Variants in CNBD1 observed in about 807,000 individuals in gnomAD.
CNBD1 encodes cyclic nucleotide binding domain containing 1, also known as cyclic nucleotide-binding domain-containing protein 1.
CNBD1 carries 71 observed loss-of-function variants against 54.4 expected under a neutral mutation model. The observed-to-expected ratio is 1.30, with a 90% CI of 1.08 to 1.59. CNBD1 has a LOEUF of 1.59. CNBD1 is among the 40% of genes most tolerant of loss of function. The pLI is 0.00. For missense variants in CNBD1, 659 were observed against 518.0 expected, an observed-to-expected ratio of 1.27 and a Z score of -2.64; for synonymous variants, 182 against 170.7, an observed-to-expected ratio of 1.07 and a Z score of -0.51.
At chr8:86,972,348 C>A (rs993157492) in intron 4 of CNBD1, among the ~76,000 whole-genome samples, 1 of 151,972 alleles carries the variant, frequency 6.6e-6, no homozygotes, top group Non-Finnish European at 1.5e-5. Flanking sequence ...AGTGATTTAC[C>A]ATATTGTGTG....
chr8:87,329,135 G>C (rs527834170), intron 8 of CNBD1, among the ~76,000 whole-genome samples: 1 of 151,992 alleles, frequency 6.6e-6, no homozygotes, highest in Admixed American at 6.6e-5. Flanking sequence ...TCGCTCTTTT[G>C]CATGTGGATG....
chr8:87,158,376 G>C (rs1812788464), intron 4 of CNBD1, among the ~76,000 whole-genome samples: 1 of 152,130 alleles, frequency 6.6e-6, no homozygotes, highest in Non-Finnish European at 1.5e-5. Context: ...AAATGTTTTT[G>C]ATGAAATTGA....
intron 2 of CNBD1, among the ~76,000 whole-genome samples, chr8:87,393,924 A>G (rs1586076044): frequency 6.6e-6 from 1 of 151,896 alleles, no homozygotes; most frequent in Non-Finnish European, 1.5e-5. Flanking sequence ...TAGTGAATAA[A>G]AAAACACTAT....
intron 4 of CNBD1, among the ~76,000 whole-genome samples, chr8:86,996,341 G>C (rs535488869): frequency 6.6e-5 from 10 of 152,268 alleles, no homozygotes; most frequent in African/African-American, 2.4e-4. Context: ...AAAAGGGCTT[G>C]TTTTAATGCT....
intron 4 of CNBD1, among the ~76,000 whole-genome samples, chr8:87,138,469 T>C (rs143978812): frequency 2.2e-4 from 34 of 152,320 alleles, no homozygotes; most frequent in African/African-American, 7.2e-4. Flanking sequence ...AACTTCTCTG[T>C]TTGCAAGCAT....
intron 4 of CNBD1, among the ~76,000 whole-genome samples, chr8:87,062,882 TA>T (rs930614235): frequency 2.0e-5 from 3 of 151,668 alleles, no homozygotes; most frequent in South Asian, 2.1e-4. Flanking sequence ...TAATGCATAT[TA>T]AAAAAAAAGT....
At chr8:87,206,348 G>A (rs1813976011) in intron 5 of CNBD1, among the ~76,000 whole-genome samples, 1 of 152,110 alleles carries the variant, frequency 6.6e-6, no homozygotes, top group African/African-American at 2.4e-5. Context: ...ATATATACTT[G>A]TGTTTCTCTG....
intron 2 of CNBD1, among the ~76,000 whole-genome samples, chr8:87,414,954 C>T (rs895901868): frequency 6.6e-6 from 1 of 152,000 alleles, no homozygotes; most frequent in African/African-American, 2.4e-5. Context: ...TTCCCCTCAG[C>T]CCTGAGAGAA....
At chr8:87,427,943 C>G (rs1178137794) in intron 2 of CNBD1, among the ~76,000 whole-genome samples, 1 of 152,068 alleles carries the variant, frequency 6.6e-6, no homozygotes, top group Non-Finnish European at 1.5e-5. Context: ...CAAAGCCCCC[C>G]CAGCATACTT....
intron 10 of CNBD1, among the ~76,000 whole-genome samples, chr8:87,355,131 T>A (rs1285171322): frequency 6.6e-6 from 1 of 150,922 alleles, no homozygotes; most frequent in Non-Finnish European, 1.5e-5. Flanking sequence ...CTCAAGTGAG[T>A]GTTTGTATGT....
chr8:87,400,929 C>T (rs1415730522), intron 2 of CNBD1, among the ~76,000 whole-genome samples: 1 of 151,970 alleles, frequency 6.6e-6, no homozygotes, highest in African/African-American at 2.4e-5. Context: ...GTGGATTAGA[C>T]ATTGTTTCTT....
At chr8:87,327,389 G>C (rs576963805) in intron 8 of CNBD1, among the ~76,000 whole-genome samples, 3 of 151,716 alleles carry the variant, frequency 2.0e-5, no homozygotes, top group African/African-American at 7.3e-5. Flanking sequence ...AATGGTGGGC[G>C]CCCCTCCCCC....
downstream of CNBD1, among the ~76,000 whole-genome samples, chr8:87,387,508 A>G (rs935920827): frequency 7.2e-5 from 11 of 152,188 alleles, no homozygotes; most frequent in Non-Finnish European, 1.5e-4. Context: ...AGAGACAAAG[A>G]AAGCCATTAC....
intron 8 of CNBD1, among the ~76,000 whole-genome samples, chr8:87,334,325 C>T (rs1380625291): frequency 1.3e-5 from 2 of 151,900 alleles, no homozygotes; most frequent in African/African-American, 4.8e-5. Context: ...TCAAAAAAAA[C>T]AGCTCCTGGA....
intron 2 of CNBD1, among the ~76,000 whole-genome samples, chr8:87,414,578 A>T (rs1282157458): frequency 6.6e-6 from 1 of 152,076 alleles, no homozygotes; most frequent in Admixed American, 6.6e-5. Context: ...GAAGGTTAAG[A>T]AAGTAGGGGT....
At chr8:86,982,620 TTA>T (rs1808513229) in intron 4 of CNBD1, among the ~76,000 whole-genome samples, 1 of 152,238 alleles carries the variant, frequency 6.6e-6, no homozygotes, top group African/African-American at 2.4e-5. Context: ...TATTTCTGAA[TTA>T]TATTTTATGT....
At chr8:87,030,687 CAT>C (rs1042654277) in intron 4 of CNBD1, among the ~76,000 whole-genome samples, 5 of 152,154 alleles carry the variant, frequency 3.3e-5, no homozygotes, top group Non-Finnish European at 7.4e-5. Flanking sequence ...TAAAAATTGA[CAT>C]GTTTGCTTCA....
chr8:87,415,029 C>T (rs533334612), intron 2 of CNBD1, among the ~76,000 whole-genome samples: 75 of 152,140 alleles, frequency 4.9e-4, no homozygotes, highest in Admixed American at 1.5e-3. Flanking sequence ...GAAGGGGGAC[C>T]TGCTCAGTGC....
At chr8:87,263,843 T>C (rs188362590) in intron 6 of CNBD1, among the ~76,000 whole-genome samples, 399 of 152,218 alleles carry the variant, frequency 2.6e-3, no homozygotes, top group African/African-American at 9.0e-3. Context: ...AGAGAAGATA[T>C]ACTAAGAGGA....
Sources: allele counts gnomAD v4.1 joint callset (sites outside exome capture counted in the v4.1 genomes callset), GRCh38; gene constraint gnomAD v4.1.1; transcripts MANE v1.5; gene names NCBI Gene and HGNC (gene_info 2026-07-23, HGNC 2026-07-21).